The following WDR36 variants were observed in gnomAD, a reference collection of about 807,000 sequenced individuals.
The protein encoded by WDR36 is WD repeat-containing protein 36.
A neutral mutation model predicts 112.7 loss-of-function variants in WDR36; 63 were observed. The ratio of observed to expected loss-of-function variants is 0.56; its 90% CI spans 0.46 to 0.69. The LOEUF (loss-of-function observed/expected upper bound fraction) is 0.69, where lower values mean the gene tolerates loss of function less well. Among genes scored for constraint, WDR36 ranks in the 30% least tolerant of loss-of-function variants. The pLI is 0.00. For synonymous variants in WDR36, 410 were observed against 362.2 expected (o/e 1.13, Z -1.50); for missense variants, 1,226 against 1,070.3 (o/e 1.15, Z -2.03).
intron 12 of WDR36, among the ~76,000 whole-genome samples, chr5:111,108,685 C>T (rs937236143): frequency 6.6e-6 from 1 of 151,342 alleles, no homozygotes; most frequent in Admixed American, 6.6e-5. Flanking sequence ...ATTTTCCTTA[C>T]AACAGTCCTA....
rs140007946 is a variant in WDR36, at chr5:111,104,259, A to T, written c.813A>T (p.Gln271His). The T allele has an allele frequency of 1.2e-6, 2 of 1,611,986 alleles. No individual in the cohort carries two copies. Among genetic ancestry groups the T allele is most frequent in the African/African-American group, 2.7e-5 (2 of 74,784 alleles). Residue 271 changes from glutamine (Q) to histidine (H), a missense_variant, in exon 8 of 23, where the codon CAA (glutamine) becomes CAT (histidine). Physicochemically the swap from Gln to His is conservative, Grantham distance 24. Transcript: ENST00000513710. ...WDLEDKKLIN[Q>H]MRNAHSTAIA... Reference sequence around the variant, plus strand: ...TAGAAGACAAAAAATTAATCAACCAAATGAGAAATGCACACTCTACAGCAA... The same window carrying T: ...TAGAAGACAAAAAATTAATCAACCATATGAGAAATGCACACTCTACAGCAA...
chr5:111,119,992 C>G (rs981185099), intron 17 of WDR36, among the ~76,000 whole-genome samples: 1 of 151,984 alleles, frequency 6.6e-6, no homozygotes. Context: ...AAGAACCTGT[C>G]CCCTAAAAGA....
At chr5:111,126,308 T>G (rs1753677653) in intron 22 of WDR36, among the ~76,000 whole-genome samples, 2 of 152,240 alleles carry the variant, frequency 1.3e-5, no homozygotes, top group South Asian at 4.1e-4. Context: ...CATTTGACAA[T>G]AAGACTGTTA....
chr5:111,123,807 A>G lies in WDR36; in HGVS notation c.2151A>G (p.Lys717=), dbSNP rs774597220. Residue 717 remains lysine, a splice_region_variant and synonymous_variant, in exon 20 of 23, where the codon AAA becomes AAG. Coordinates refer to ENST00000513710, the MANE Select transcript of WDR36 (RefSeq NM_139281.3). ...CTTTCTCATTTTCTCTTAATCAGAA[A>G]AAGAATAAACCAAAGGAACCACCCA... is the stretch of plus-strand genomic sequence containing the variant. ...KNLLNLDVIK[K]KNKPKEPPKV... 1 of 1,613,570 alleles carries G rather than the reference A, an allele frequency of 6.2e-7. No individual in the cohort carries two copies. Among genetic ancestry groups the G allele is most frequent in the Admixed American group, 1.7e-5 (1 of 60,016 alleles).
At chr5:111,120,054 G>A (rs932515996) in intron 17 of WDR36, among the ~76,000 whole-genome samples, 1 of 152,028 alleles carries the variant, frequency 6.6e-6, no homozygotes, top group Non-Finnish European at 1.5e-5. Flanking sequence ...AGGCTGAGTA[G>A]CAGAAATATG....
At chr5:111,113,283 A>G in intron 16 of WDR36, 130 bp downstream of exon 16, 3 of 470,386 alleles carry the variant, frequency 6.4e-6, no homozygotes, top group African/African-American at 2.0e-5. Flanking sequence ...TTTTTCTGAC[A>G]TGACTATATT....
At chr5:111,107,156 G>T in intron 11 of WDR36, 138 bp from the exon 12 acceptor site, 1 of 964,620 alleles carries the variant, frequency 1.0e-6, no homozygotes, top group Non-Finnish European at 1.5e-6. Flanking sequence ...TTGTTAGATT[G>T]GAAACATATT....
At chr5:111,121,718 C>T (rs901587266) in intron 19 of WDR36, among the ~76,000 whole-genome samples, 3 of 152,050 alleles carry the variant, frequency 2.0e-5, no homozygotes. Context: ...TATGATTCTG[C>T]ATGAAAAATG....
Position 111,130,064 on chromosome 5 carries a change from A to T in WDR36, c.*3181A>T. 1 of 210,890 alleles carries T rather than the reference A, an allele frequency of 4.7e-6. No homozygotes were observed. Among genetic ancestry groups the T allele is most frequent in the Non-Finnish European group, 9.6e-6 (1 of 103,882 alleles). 13.1% of individuals were successfully genotyped at this position (210,890 alleles called of 1,614,324 possible). On this transcript the variant is annotated 3_prime_UTR_variant, in exon 23 of 23. Coordinates refer to ENST00000513710, the MANE Select transcript of WDR36 (RefSeq NM_139281.3). ...CTCAGATTTGGGTAAAGCCTTCCTC[A>T]TGTTCTATAAAAATTGGTTAACTGC...
intron 15 of WDR36, among the ~76,000 whole-genome samples, chr5:111,111,951 T>C (rs992737626): frequency 4.0e-5 from 6 of 151,872 alleles, no homozygotes; most frequent in African/African-American, 1.4e-4. Flanking sequence ...AAAATCTTAA[T>C]ACTTAGTGAC....
intron 15 of WDR36, 149 bp downstream of exon 15, chr5:111,111,427 A>C: frequency 1.4e-6 from 1 of 695,608 alleles, no homozygotes; most frequent in Non-Finnish European, 2.5e-6. Context: ...AAAATTTTGA[A>C]TTAAAAGTTT....
chr5:111,102,925 G>A (rs1410323823), intron 6 of WDR36, among the ~76,000 whole-genome samples: 1 of 151,554 alleles, frequency 6.6e-6, no homozygotes, highest in African/African-American at 2.4e-5. Context: ...GGCCACATAT[G>A]TAGCCACTAT....
At chr5:111,106,201 T>C in intron 11 of WDR36, 58 bp downstream of exon 11, 1 of 1,395,984 alleles carries the variant, frequency 7.2e-7, no homozygotes, top group South Asian at 1.2e-5. Flanking sequence ...TTTCCTACTG[T>C]ATGCTGTTTT....
Position 111,107,400 on chromosome 5 carries a change from C to G in WDR36, c.1287C>G (p.Leu429=). The stretch of plus-strand genomic sequence containing the variant: ...AATCTACAATAGGCGCTTACTTTCT[C>G]AAGCCAAAAGAGTTGAAGAAAGATG... ...YQKSTIGAYF[L]KPKELKKDDI... is the part of the protein sequence containing the mutation. Residue 429 remains leucine (L), a synonymous_variant, in exon 12 of 23, where the codon CTC becomes CTG. Transcript: ENST00000513710. 2 of 1,610,370 alleles carry G rather than the reference C, an allele frequency of 1.2e-6. No individual in the cohort carries two copies. The highest frequency in any genetic ancestry group is 1.7e-6 in the Non-Finnish European group (2 of 1,177,566).
intron 13 of WDR36, 126 bp from the exon 14 acceptor site, chr5:111,110,662 T>G: frequency 9.4e-7 from 1 of 1,068,338 alleles, no homozygotes; most frequent in Non-Finnish European, 1.4e-6. Context: ...CCAGATTAAT[T>G]TCAAGATTTT....
At chr5:111,100,857 C>G (rs1753108178) in intron 5 of WDR36, 136 bp downstream of exon 5, 1 of 795,872 alleles carries the variant, frequency 1.3e-6, no homozygotes, top group African/African-American at 1.8e-5. Context: ...CAGTTGGTCC[C>G]CTGTATCAGA....
At position 111,128,556 on chromosome 5, in the gene WDR36, T is replaced by G. The variant is rs1283213338; in HGVS notation, c.*1673T>G. ...ATATAATTCTATACCTAGTAAAGAT[T>G]GTAAATAACTAAAACAAAATGATAA... On this transcript the variant is annotated 3_prime_UTR_variant, in exon 23 of 23. Coordinates refer to ENST00000513710, the MANE Select transcript of WDR36 (RefSeq NM_139281.3). 2 of 178,798 alleles carry G rather than the reference T, an allele frequency of 1.1e-5. No individual in the cohort carries two copies. Among genetic ancestry groups the G allele is most frequent in the East Asian group, 9.2e-5 (1 of 10,860 alleles). 11.1% of individuals were successfully genotyped at this position (178,798 alleles called of 1,614,324 possible).
intron 17 of WDR36, among the ~76,000 whole-genome samples, chr5:111,120,009 T>C (rs1450150794): frequency 6.6e-6 from 1 of 152,114 alleles, no homozygotes; most frequent in Non-Finnish European, 1.5e-5. Flanking sequence ...AAGACCGGTA[T>C]CTACATCTTG....
chr5:111,106,815 C>T (rs896073234), intron 11 of WDR36, among the ~76,000 whole-genome samples: 1 of 151,282 alleles, frequency 6.6e-6, no homozygotes, highest in Non-Finnish European at 1.5e-5. Flanking sequence ...GATTGCCTTG[C>T]CCTACTCCTA....
Sources: gnomAD v4.1 joint callset for allele counts (sites outside exome capture counted in the v4.1 genomes callset) on GRCh38, gnomAD v4.1.1 for gene constraint, MANE v1.5 for transcripts, NCBI Gene and HGNC (gene_info 2026-07-23, HGNC 2026-07-21) for gene names.